Variants in CDC73 observed in about 807,000 individuals in gnomAD.
CDC73 encodes the protein parafibromin.
CDC73 carries 21 observed loss-of-function variants against 83.7 expected under a neutral mutation model. The observed-to-expected ratio is 0.25, with a 90% CI of 0.18 to 0.36. CDC73 has a LOEUF of 0.36. CDC73 is among the 10% of genes least tolerant of loss of function. The pLI, the probability that CDC73 is intolerant of heterozygous loss-of-function variation, is 1.00. For synonymous variants in CDC73, 224 were observed against 212.9 expected (o/e 1.05, Z -0.45); for missense variants, 342 against 653.3 (o/e 0.52, Z 5.19).
Position 193,150,540 on chromosome 1 carries a change from A to G in CDC73, c.907+158A>G, listed in dbSNP as rs150244719. On this transcript the variant is annotated intron_variant, in intron 9 of 16. Coordinates refer to ENST00000367435, the MANE Select transcript of CDC73 (RefSeq NM_024529.5). ...TTAAATAACATTTTGTTGGGACACA[A>G]CCACACTCATTCATTTATGTATTTT... 7.4e-3 allele frequency among the ~76,000 whole-genome samples: 1,122 copies of G among 152,322 alleles called. 4 individuals are homozygous for G. The highest frequency in any genetic ancestry group is 0.011 in the Non-Finnish European group (730 of 68,030).
intron 15 of CDC73, chr1:193,236,728 C>G (rs900363876): frequency 7.8e-6 from 2 of 257,482 alleles, no homozygotes; most frequent in African/African-American, 2.3e-5. Flanking sequence ...AACCCTGTCT[C>G]TACTAAAAAT....
chr1:193,226,821 T>C (rs1186045622), intron 13 of CDC73, among the ~76,000 whole-genome samples: 1 of 152,200 alleles, frequency 6.6e-6, no homozygotes, highest in Non-Finnish European at 1.5e-5. Context: ...CTTAGGGTAT[T>C]ACAGGCTTCA....
At chr1:193,221,694 G>A (rs1677472887) in intron 13 of CDC73, among the ~76,000 whole-genome samples, 1 of 152,168 alleles carries the variant, frequency 6.6e-6, no homozygotes, top group Admixed American at 6.5e-5. Context: ...GTAAATTTTA[G>A]TGTCATTCTC....
intron 10 of CDC73, among the ~76,000 whole-genome samples, chr1:193,174,897 A>G (rs557625684): frequency 6.6e-6 from 1 of 152,348 alleles, no homozygotes; most frequent in East Asian, 1.9e-4. Flanking sequence ...ATTTTCCTTT[A>G]AATGAAATGA....
chr1:193,191,720 A>G (rs1676921608), intron 10 of CDC73, among the ~76,000 whole-genome samples: 1 of 152,118 alleles, frequency 6.6e-6, no homozygotes, highest in South Asian at 2.1e-4. Flanking sequence ...TTTTATTTGT[A>G]TTAGTGTATT....
intron 8 of CDC73, among the ~76,000 whole-genome samples, chr1:193,149,353 C>T (rs1676065172): frequency 6.6e-6 from 1 of 151,224 alleles, no homozygotes; most frequent in Non-Finnish European, 1.5e-5. Context: ...CTAGATCTCT[C>T]AGCAGTTCCC....
chr1:193,234,267 T>TTATAATATATATATTATATATATTATATA (rs1677716278), intron 14 of CDC73, among the ~76,000 whole-genome samples: 1 of 108,894 alleles, frequency 9.2e-6, no homozygotes, highest in Non-Finnish European at 1.8e-5. Flanking sequence ...TATAATTTAA[T>TTATAATATATATATTATATATATTATATA]TATAATATAT....
intron 13 of CDC73, among the ~76,000 whole-genome samples, chr1:193,224,363 T>C (rs1386044003): frequency 6.6e-6 from 1 of 151,924 alleles, no homozygotes; most frequent in East Asian, 1.9e-4. Flanking sequence ...ATATGAAATA[T>C]GCATTCACAT....
intron 13 of CDC73, among the ~76,000 whole-genome samples, chr1:193,217,344 G>A (rs1014084488): frequency 6.6e-6 from 1 of 152,106 alleles, no homozygotes; most frequent in Non-Finnish European, 1.5e-5. Context: ...AAGATACTCT[G>A]CTCTATCGCA....
At chr1:193,188,530 A>G (rs529174097) in intron 10 of CDC73, among the ~76,000 whole-genome samples, 5 of 152,214 alleles carry the variant, frequency 3.3e-5, no homozygotes, top group East Asian at 3.9e-4. Flanking sequence ...CACTTTTTCA[A>G]CAGGTACATA....
At chr1:193,217,007 C>T (rs112334549) in intron 13 of CDC73, among the ~76,000 whole-genome samples, 1,635 of 151,414 alleles carry the variant, frequency 0.011, 26 homozygotes, top group African/African-American at 0.037. Flanking sequence ...AAGCTGGAAG[C>T]ATTCCCCCTG....
chr1:193,226,465 T>A (rs1677569280), intron 13 of CDC73, among the ~76,000 whole-genome samples: 1 of 152,324 alleles, frequency 6.6e-6, no homozygotes, highest in Non-Finnish European at 1.5e-5. Flanking sequence ...TTGTCATAGA[T>A]GACTTTTATT....
Position 193,130,224 on chromosome 1 carries a change from A to G in CDC73, c.288A>G (p.Gly96=), listed in dbSNP as rs144194535. The change falls in exon 3 of 17, where the codon GGA becomes GGG. Residue 96 remains glycine, a synonymous_variant. Coordinates refer to ENST00000367435, the MANE Select transcript of CDC73 (RefSeq NM_024529.5). ...VRRPDRKDLL[G]YLNGEASTSA... is the part of the protein sequence containing the mutation. ...GACCTGATCGAAAAGATCTACTTGG[A>G]TATCTCAATGGTGAAGCGTGTGAGT... The G allele has an allele frequency of 2.5e-6, 4 of 1,603,004 alleles. No individual in the cohort carries two copies. In the African/African-American group the frequency reaches 5.4e-5, roughly 21 times the overall value.
At chr1:193,135,294 T>G (rs1426251817) in intron 3 of CDC73, 97 bp from the exon 4 acceptor site, 97 of 970,436 alleles carry the variant, frequency 1.0e-4, no homozygotes, top group Non-Finnish European at 8.2e-6. Context: ...AATCACCATA[T>G]AGAAGTATAT....
At chr1:193,233,190 T>C (rs1490579784) in intron 14 of CDC73, 36 bp downstream of exon 14, 1 of 1,560,704 alleles carries the variant, frequency 6.4e-7, no homozygotes, top group Admixed American at 1.7e-5. Context: ...TTTTCACAGG[T>C]GTTGAACCCA....
intron 10 of CDC73, among the ~76,000 whole-genome samples, chr1:193,193,508 A>G (rs1475844395): frequency 6.6e-6 from 1 of 152,074 alleles, no homozygotes; most frequent in Non-Finnish European, 1.5e-5. Context: ...TTTCTCATGC[A>G]TTTCCTGTAT....
chr1:193,172,044 C>G (rs1676525693), intron 10 of CDC73, among the ~76,000 whole-genome samples: 1 of 152,066 alleles, frequency 6.6e-6, no homozygotes, highest in Non-Finnish European at 1.5e-5. Context: ...CCTGCGTCAG[C>G]CTACCCAGTA....
At chr1:193,139,800 C>T (rs1319495044) in intron 6 of CDC73, among the ~76,000 whole-genome samples, 1 of 152,160 alleles carries the variant, frequency 6.6e-6, no homozygotes, top group Non-Finnish European at 1.5e-5. Context: ...AATTATTCCC[C>T]ACCCACTGAG....
chr1:193,250,735 G>A lies in CDC73; in HGVS notation c.*23G>A. The stretch of plus-strand genomic sequence containing the variant: ...TGAATTATTTGGCTCCTCCATTTCT[G>A]GAAATTGAGACTCAAGCTTTATGAA... On this transcript the variant is annotated 3_prime_UTR_variant, in exon 17 of 17. Coordinates refer to ENST00000367435, the MANE Select transcript of CDC73 (RefSeq NM_024529.5). The A allele has an allele frequency of 6.3e-7, 1 of 1,592,802 alleles. No homozygotes were observed. The highest frequency in any genetic ancestry group is 8.6e-7 in the Non-Finnish European group (1 of 1,161,560).
Sources: allele counts gnomAD v4.1 joint callset (sites outside exome capture counted in the v4.1 genomes callset), GRCh38; gene constraint gnomAD v4.1.1; transcripts MANE v1.5; gene names NCBI Gene and HGNC (gene_info 2026-07-23, HGNC 2026-07-21).